The following HOXD1 variants were observed in gnomAD, a reference collection of about 807,000 sequenced individuals.
HOXD1 encodes the protein homeobox D1, also known as homeobox protein Hox-D1.
HOXD1 carries 17 observed loss-of-function variants against 19.9 expected under a neutral mutation model. That is an observed-to-expected ratio of 0.85 (90% CI 0.58 to 1.28). HOXD1 has a LOEUF of 1.28. HOXD1 is among the 50% of genes most tolerant of loss of function. HOXD1 has a pLI of 0.00. For missense variants in HOXD1, 500 were observed against 460.1 expected, an observed-to-expected ratio of 1.09 and a Z score of -0.79; for synonymous variants, 239 against 216.0, an observed-to-expected ratio of 1.11 and a Z score of -0.93.
At position 176,190,047 on chromosome 2, in the gene HOXD1, C is replaced by G; in HGVS notation, c.892C>G (p.Pro298Ala). Residue 298 changes from proline (P) to alanine (A), a missense_variant, in exon 2 of 2, where the codon CCT (proline) becomes GCT (alanine). By Grantham distance (27) the Pro-to-Ala change is conservative. Coordinates refer to ENST00000331462, the MANE Select transcript of HOXD1 (RefSeq NM_024501.3). ...EREGLLATAI[P>A]VAPLQLPLSG... ...AGAAGGGCTTCTGGCCACGGCCATT[C>G]CTGTGGCTCCCCTCCAACTTCCCCT... The G allele has an allele frequency of 6.2e-7, 1 of 1,613,912 alleles. No individual in the cohort carries two copies. Among genetic ancestry groups the G allele is most frequent in the African/African-American group, 1.3e-5 (1 of 75,042 alleles).
chr2:176,189,082 G>A lies in HOXD1; in HGVS notation c.281G>A (p.Gly94Asp), dbSNP rs1691732224. The change falls in exon 1 of 2, where the codon GGT becomes GAT. Residue 94 changes from glycine (G) to aspartate (D), a missense_variant. Transcript: ENST00000331462. ...ACCCTGGAGGGGGCCTACGAACCTGGTGCCGCACCTGCCGCGGCAGCTGGG... is the reference window on the plus strand; with the variant it reads ...ACCCTGGAGGGGGCCTACGAACCTGATGCCGCACCTGCCGCGGCAGCTGGG... ...QCTLEGAYEP[G>D]AAPAAAAGGA... is the part of the protein sequence containing the mutation. The A allele has an allele frequency of 6.7e-7, 1 of 1,500,418 alleles. No individual in the cohort carries two copies. The highest frequency in any genetic ancestry group is 1.4e-5 in the African/African-American group (1 of 71,808). 92.9% of individuals were successfully genotyped at this position (1,500,418 alleles called of 1,614,324 possible).
Position 176,189,139 on chromosome 2 carries a change from C to G in HOXD1, c.338C>G (p.Pro113Arg). 2 of 1,578,592 alleles carry G rather than the reference C, an allele frequency of 1.3e-6. No homozygotes were observed. Among genetic ancestry groups the G allele is most frequent in the East Asian group, 2.3e-5 (1 of 43,892 alleles). The stretch of plus-strand genomic sequence containing the variant: ...GACTACGGCTTCCTGGGGTCCGGGC[C>G]GGCGTACGACTTCCCGGGCGTGCTG... Reference protein sequence around the residue: ...GADYGFLGSGPAYDFPGVLGR... With the variant: ...GADYGFLGSGRAYDFPGVLGR... Residue 113 changes from proline to arginine, a missense_variant, in exon 1 of 2, where the codon CCG becomes CGG. Physicochemically the swap from Pro to Arg is moderately radical, Grantham distance 103. Coordinates refer to ENST00000331462, the MANE Select transcript of HOXD1 (RefSeq NM_024501.3).
Position 176,189,350 on chromosome 2 carries a change from G to T in HOXD1, c.549G>T (p.Pro183=). The T allele has an allele frequency of 6.2e-7, 1 of 1,612,792 alleles. No homozygotes were observed. Among genetic ancestry groups the T allele is most frequent in the South Asian group, 1.1e-5 (1 of 91,048 alleles). Reference sequence around the variant, plus strand: ...CTGGTGCTTTCCAGACCGCATCCCCGGCCCCAGGCACCTACCCCAAGTCCG... The same window carrying T: ...CTGGTGCTTTCCAGACCGCATCCCCTGCCCCAGGCACCTACCCCAAGTCCG... The part of the protein sequence containing the change: ...GHPGAFQTAS[P]APGTYPKSVS... The change falls in exon 1 of 2, where the codon CCG becomes CCT. Residue 183 remains proline, a synonymous_variant. Transcript: ENST00000331462.
chr2:176,189,691 C>T (rs202050201), intron 1 of HOXD1, 117 bp from the exon 2 acceptor site: 1 of 1,606,760 alleles, frequency 6.2e-7, no homozygotes. Context: ...GGTACAAATT[C>T]TGTTCCTAGG....
intron 1 of HOXD1, 167 bp downstream of exon 1, chr2:176,189,620 T>C (rs1193714074): frequency 3.8e-6 from 6 of 1,563,090 alleles, no homozygotes; most frequent in Non-Finnish European, 5.2e-6. Context: ...GAGTACAGAT[T>C]CGGAAAATGT....
intron 1 of HOXD1, 95 bp downstream of exon 1, chr2:176,189,548 G>A (rs776993982): frequency 1.0e-5 from 16 of 1,601,668 alleles, no homozygotes; most frequent in Non-Finnish European, 8.5e-7. Context: ...TGCCTTTCCA[G>A]ACAGCGGTTT....
chr2:176,188,692 G>A lies in HOXD1; in HGVS notation c.-110G>A, dbSNP rs778439203. 5 of 1,145,986 alleles carry A rather than the reference G, an allele frequency of 4.4e-6. 1 individual carries two copies. The highest frequency in any genetic ancestry group is 2.2e-4 in the Middle Eastern group (1 of 4,646). 71.0% of individuals were successfully genotyped at this position (1,145,986 alleles called of 1,614,324 possible). The stretch of plus-strand genomic sequence containing the variant: ...CGCCATGGGTTGGAGAGGGCAGCTC[G>A]GGTAGAGAGGGCTGGCGGAGCGGCG... On this transcript the variant is annotated 5_prime_UTR_variant, in exon 1 of 2. Transcript: ENST00000331462.
At position 176,189,107 on chromosome 2, in the gene HOXD1, G is replaced by T. The variant is rs1691733233; in HGVS notation, c.306G>T (p.Gly102=). The T allele has an allele frequency of 5.2e-6, 8 of 1,534,688 alleles. No individual in the cohort carries two copies. Among genetic ancestry groups the T allele is most frequent in the East Asian group, 2.3e-5 (1 of 43,090 alleles). Residue 102 remains glycine (G), a synonymous_variant, in exon 1 of 2, where the codon GGG becomes GGT. Coordinates refer to ENST00000331462, the MANE Select transcript of HOXD1 (RefSeq NM_024501.3). Reference sequence around the variant, plus strand: ...GTGCCGCACCTGCCGCGGCAGCTGGGGGCGCGGACTACGGCTTCCTGGGGT... The same window carrying T: ...GTGCCGCACCTGCCGCGGCAGCTGGTGGCGCGGACTACGGCTTCCTGGGGT... ...EPGAAPAAAA[G]GADYGFLGSG...
chr2:176,189,827 G>T lies in HOXD1; in HGVS notation c.672G>T (p.Gly224=). The change falls in exon 2 of 2, where the codon GGG becomes GGT. Residue 224 remains glycine, a synonymous_variant. Transcript: ENST00000331462. ...ASKKGKLAEY[G]AASPSSAIRT... ...TTGCAGGCAAACTCGCCGAGTATGG[G>T]GCCGCTAGCCCCTCCAGCGCGATCC... 1 of 1,613,930 alleles carries T rather than the reference G, an allele frequency of 6.2e-7. No homozygotes were observed. Among genetic ancestry groups the T allele is most frequent in the Non-Finnish European group, 8.5e-7 (1 of 1,179,890 alleles).
At position 176,188,950 on chromosome 2, in the gene HOXD1, T is replaced by A; in HGVS notation, c.149T>A (p.Phe50Tyr). Residue 50 changes from phenylalanine to tyrosine, a missense_variant, in exon 1 of 2, where the codon TTC becomes TAC. Transcript: ENST00000331462. Reference protein sequence around the residue: ...AFPLGNGDGAFVSCLPLAAAR... With the variant: ...AFPLGNGDGAYVSCLPLAAAR... ...CCTCTGGGCAACGGCGACGGCGCCT[T>A]CGTCAGCTGTCTGCCCCTGGCCGCC... 1 of 1,538,286 alleles carries A rather than the reference T, an allele frequency of 6.5e-7. No homozygotes were observed. Among genetic ancestry groups the A allele is most frequent in the Non-Finnish European group, 8.7e-7 (1 of 1,150,744 alleles).
chr2:176,189,926 C>T lies in HOXD1; in HGVS notation c.771C>T (p.Ala257=), dbSNP rs773021156. 1 of 1,614,132 alleles carries T rather than the reference C, an allele frequency of 6.2e-7. No individual in the cohort carries two copies. ...EFHFNKYLTR[A]RRIEIANCLH... ...ATTTCAATAAGTACTTAACTCGAGC[C>T]CGGCGCATCGAGATAGCCAACTGCT... Residue 257 remains alanine (A), a synonymous_variant, in exon 2 of 2, where the codon GCC becomes GCT. Coordinates refer to ENST00000331462, the MANE Select transcript of HOXD1 (RefSeq NM_024501.3).
chr2:176,189,152 C>T lies in HOXD1; in HGVS notation c.351C>T (p.Phe117=), dbSNP rs757006539. The part of the protein sequence containing the change: ...GFLGSGPAYD[F]PGVLGRAADD... ...TGGGGTCCGGGCCGGCGTACGACTT[C>T]CCGGGCGTGCTGGGGCGGGCGGCCG... Residue 117 remains phenylalanine (F), a synonymous_variant, in exon 1 of 2, where the codon TTC becomes TTT. Coordinates refer to ENST00000331462, the MANE Select transcript of HOXD1 (RefSeq NM_024501.3). The T allele has an allele frequency of 2.1e-5, 33 of 1,590,418 alleles. No individual in the cohort carries two copies. The Admixed American group carries it at 4.1e-4, about 20-fold the overall frequency.
chr2:176,190,265 C>T lies in HOXD1; in HGVS notation c.*123C>T. 1.5e-6 allele frequency: 1 copy of T among 661,998 alleles called. No individual in the cohort carries two copies. Among genetic ancestry groups the T allele is most frequent in the African/African-American group, 1.8e-5 (1 of 54,782 alleles). The allele number at this position is 661,998 out of a possible 1,614,324, so 41.0% of individuals were successfully genotyped here. ...AGAACAAAAATGAATAGGGATTTCA[C>T]TTGGGAAATGAAGTACTTTAGTTGG... On this transcript the variant is annotated 3_prime_UTR_variant, in exon 2 of 2. Coordinates refer to ENST00000331462, the MANE Select transcript of HOXD1 (RefSeq NM_024501.3).
In HOXD1 at chr2:176,190,685, G is replaced by A. The variant is rs1691778019; in HGVS notation, c.*543G>A. 6.5e-6 allele frequency: 1 copy of A among 152,716 alleles called. No homozygotes were observed. The highest frequency in any genetic ancestry group is 1.5e-5 in the Non-Finnish European group (1 of 68,220). The allele number at this position is 152,716 out of a possible 1,614,324, so 9.5% of individuals were successfully genotyped here. The stretch of plus-strand genomic sequence containing the variant: ...GCGGTTTCTACCTCTCTATGTGCCT[G>A]AGTGATGATACAATCGCTGTTTAGT... On this transcript the variant is annotated 3_prime_UTR_variant, in exon 2 of 2. Coordinates refer to ENST00000331462, the MANE Select transcript of HOXD1 (RefSeq NM_024501.3).
In HOXD1 at chr2:176,189,433, A is replaced by G. The variant is rs751896324; in HGVS notation, c.632A>G (p.Lys211Arg). The G allele has an allele frequency of 1.2e-6, 2 of 1,612,466 alleles. No homozygotes were observed. Among genetic ancestry groups the G allele is most frequent in the East Asian group, 4.5e-5 (2 of 44,830 alleles). Residue 211 changes from lysine to arginine, a missense_variant, in exon 1 of 2, where the codon AAG becomes AGG. Lys to Arg is a conservative substitution (Grantham distance 26, BLOSUM62 2). Transcript: ENST00000331462. Reference sequence around the variant, plus strand: ...AGCACGTTCGAGTGGATGAAAGTGAAGAGGAATGCCTCTAAGAAAGGTAAG... The same window carrying G: ...AGCACGTTCGAGTGGATGAAAGTGAGGAGGAATGCCTCTAAGAAAGGTAAG... ...AFSTFEWMKV[K>R]RNASKKGKLA...
At position 176,188,873 on chromosome 2, in the gene HOXD1, A is replaced by C; in HGVS notation, c.72A>C (p.Ala24=). The C allele has an allele frequency of 6.2e-7, 1 of 1,600,352 alleles. No homozygotes were observed. Reference sequence around the variant, plus strand: ...TCGGCGGCGACGTGCTCAGCTTGGCACCCAAGTTCTGCCGCTCCGACGCCC... The same window carrying C: ...TCGGCGGCGACGTGCTCAGCTTGGCCCCCAAGTTCTGCCGCTCCGACGCCC... ...GGVGGDVLSL[A]PKFCRSDARP... The change falls in exon 1 of 2, where the codon GCA becomes GCC. Residue 24 remains alanine (A), a synonymous_variant. Coordinates refer to ENST00000331462, the MANE Select transcript of HOXD1 (RefSeq NM_024501.3).
intron 1 of HOXD1, 23 bp downstream of exon 1, chr2:176,189,476 G>A (rs976078763): frequency 2.1e-5 from 34 of 1,612,124 alleles, no homozygotes; most frequent in Non-Finnish European, 2.9e-5. Context: ...GCCTTGGATG[G>A]GGCCACCTGG....
At position 176,188,839 on chromosome 2, in the gene HOXD1, G is replaced by T. The variant is rs758371207; in HGVS notation, c.38G>T (p.Ser13Ile). Residue 13 changes from serine to isoleucine, a missense_variant, in exon 1 of 2, where the codon AGC becomes ATC. Physicochemically the swap from Ser to Ile is moderately radical, Grantham distance 142 (BLOSUM62 -2). Transcript: ENST00000331462. ...CTGGAGTACGTGTCATGCAGCAGCAGCGGCGGGGTCGGCGGCGACGTGCTC... is the reference window on the plus strand; with the variant it reads ...CTGGAGTACGTGTCATGCAGCAGCATCGGCGGGGTCGGCGGCGACGTGCTC... ...SYLEYVSCSS[S>I]GGVGGDVLSL... 1 of 1,607,304 alleles carries T rather than the reference G, an allele frequency of 6.2e-7. No homozygotes were observed. Among genetic ancestry groups the T allele is most frequent in the African/African-American group, 1.3e-5 (1 of 74,564 alleles).
In HOXD1 at chr2:176,189,925, C is replaced by G. The variant is rs560389650; in HGVS notation, c.770C>G (p.Ala257Gly). Residue 257 changes from alanine to glycine, a missense_variant, in exon 2 of 2, where the codon GCC becomes GGC. Physicochemically the swap from Ala to Gly is moderately conservative, Grantham distance 60. Transcript: ENST00000331462. Reference sequence around the variant, plus strand: ...CATTTCAATAAGTACTTAACTCGAGCCCGGCGCATCGAGATAGCCAACTGC... The same window carrying G: ...CATTTCAATAAGTACTTAACTCGAGGCCGGCGCATCGAGATAGCCAACTGC... ...EFHFNKYLTRARRIEIANCLH... is the reference protein window; with the variant it reads ...EFHFNKYLTRGRRIEIANCLH... The G allele has an allele frequency of 6.2e-7, 1 of 1,614,106 alleles. No individual in the cohort carries two copies. Among genetic ancestry groups the G allele is most frequent in the African/African-American group, 1.3e-5 (1 of 75,032 alleles).
Sources: allele counts gnomAD v4.1 joint callset, GRCh38; gene constraint gnomAD v4.1.1; transcripts MANE v1.5; gene names NCBI Gene and HGNC (gene_info 2026-07-23, HGNC 2026-07-21).